Variants in TNKS observed in about 807,000 individuals in gnomAD.
TNKS encodes the protein tankyrase.
TNKS carries 72 observed loss-of-function variants against 135.8 expected under a neutral mutation model. The ratio of observed to expected loss-of-function variants is 0.53; its 90% CI spans 0.44 to 0.64. The LOEUF (loss-of-function observed/expected upper bound fraction) is 0.64. Among genes scored for constraint, TNKS ranks in the 30% least tolerant of loss-of-function variants. TNKS has a pLI of 0.00. For missense variants in TNKS, 1,769 were observed against 1,674.0 expected, an observed-to-expected ratio of 1.06 and a Z score of -0.99; for synonymous variants, 849 against 649.3, an observed-to-expected ratio of 1.31 and a Z score of -4.68.
intron 3 of TNKS, among the ~76,000 whole-genome samples, chr8:9,672,113 A>G (rs1164711804): frequency 6.6e-6 from 1 of 152,246 alleles, no homozygotes. Context: ...AGTGACCCAG[A>G]AGCACAAGAG....
chr8:9,644,847 C>T (rs1022562405), intron 3 of TNKS, among the ~76,000 whole-genome samples: 7 of 152,042 alleles, frequency 4.6e-5, no homozygotes, highest in Non-Finnish European at 7.4e-5. Context: ...TACAACCATT[C>T]TGTTTTTCAT....
chr8:9,579,009 A>G (rs1428138221), intron 1 of TNKS, among the ~76,000 whole-genome samples: 2 of 152,136 alleles, frequency 1.3e-5, no homozygotes, highest in Admixed American at 6.5e-5. Flanking sequence ...TGGACTTTGC[A>G]TAATGTTGTT....
chr8:9,575,997 G>A (rs1797930499), intron 1 of TNKS, among the ~76,000 whole-genome samples: 8 of 152,106 alleles, frequency 5.3e-5, no homozygotes, highest in Admixed American at 4.6e-4. Flanking sequence ...GGTGAGAGGA[G>A]AAAGGGCACT....
At chr8:9,656,457 AATG>A (rs1402008846) in intron 3 of TNKS, among the ~76,000 whole-genome samples, 3 of 152,178 alleles carry the variant, frequency 2.0e-5, no homozygotes, top group African/African-American at 4.8e-5. Flanking sequence ...CCGAAGTTGA[AATG>A]AGGGAAAAAA....
chr8:9,673,605 A>G (rs961449579), intron 3 of TNKS, among the ~76,000 whole-genome samples: 3 of 151,830 alleles, frequency 2.0e-5, no homozygotes, highest in Non-Finnish European at 4.4e-5. Context: ...CACCACGCCC[A>G]GCTAATTTTT....
At chr8:9,604,736 G>A (rs1018007905) in intron 2 of TNKS, among the ~76,000 whole-genome samples, 3 of 151,640 alleles carry the variant, frequency 2.0e-5, no homozygotes, top group African/African-American at 7.3e-5. Flanking sequence ...CATTAGCTCT[G>A]TAAATACATA....
intron 15 of TNKS, among the ~76,000 whole-genome samples, chr8:9,734,028 A>G (rs1805570684): frequency 6.6e-6 from 1 of 152,010 alleles, no homozygotes; most frequent in Admixed American, 6.6e-5. Flanking sequence ...TATTTATGAG[A>G]TTTTCTTTTG....
Position 9,559,266 on chromosome 8 carries a change from TTATCC to T in TNKS, c.673+2656_673+2660del, listed in dbSNP as rs1273368620. Among the ~76,000 whole-genome samples the T allele has an allele frequency of 7.2e-5, 11 of 152,298 alleles. No individual in the cohort carries two copies. The South Asian group carries it at 1.2e-3, about 17-fold the overall frequency. On this transcript the variant is annotated intron_variant, in intron 1 of 26. Coordinates refer to ENST00000310430, the MANE Select transcript of TNKS (RefSeq NM_003747.3). ...CTGTCCCAATATGTAATAGGAGCTC[TTATCC>T]TTGTTTTAGAGCAGTTAAGGAAGTC...
Position 9,764,720 on chromosome 8 carries a change from A to T in TNKS, c.3377A>T (p.Gln1126Leu). 6.3e-7 allele frequency: 1 copy of T among 1,595,426 alleles called. No homozygotes were observed. Among genetic ancestry groups the T allele is most frequent in the Non-Finnish European group, 8.5e-7 (1 of 1,174,064 alleles). The change falls in exon 23 of 27, where the codon CAA (glutamine) becomes CTA (leucine). Residue 1126 changes from glutamine (Q) to leucine (L), a missense_variant. Around this residue, in one of 5 missense-constraint regions of TNKS, gnomAD observed 722 missense variants for 688.9 expected, o/e 1.05. Transcript: ENST00000310430. ...KEYQSVEEEMQSTIREHRDGG... is the reference protein window; with the variant it reads ...KEYQSVEEEMLSTIREHRDGG... Reference sequence around the variant, plus strand: ...ATTAGTTATTTTGTTCTGTAGATGCAAAGTACTATTCGAGAACACAGAGAT... The same window carrying T: ...ATTAGTTATTTTGTTCTGTAGATGCTAAGTACTATTCGAGAACACAGAGAT...
At chr8:9,760,720 C>G (rs1413913450) in intron 20 of TNKS, among the ~76,000 whole-genome samples, 1 of 152,166 alleles carries the variant, frequency 6.6e-6, no homozygotes, top group Non-Finnish European at 1.5e-5. Flanking sequence ...GTCCCAGCTA[C>G]TTTAGTCCAT....
chr8:9,629,713 C>A (rs746580234), intron 3 of TNKS, among the ~76,000 whole-genome samples: 1 of 152,224 alleles, frequency 6.6e-6, no homozygotes. Context: ...GACGAAGTCT[C>A]GCTCTGTCGC....
intron 5 of TNKS, among the ~76,000 whole-genome samples, chr8:9,683,125 T>C (rs1461853120): frequency 6.6e-6 from 1 of 152,060 alleles, no homozygotes; most frequent in Non-Finnish European, 1.5e-5. Flanking sequence ...TTAGATATTA[T>C]TCTCATTTAC....
chr8:9,630,728 A>G (rs973938846), intron 3 of TNKS, among the ~76,000 whole-genome samples: 1 of 152,230 alleles, frequency 6.6e-6, no homozygotes, highest in Non-Finnish European at 1.5e-5. Context: ...TTGTTTGCAG[A>G]CTGCATTCAG....
intron 5 of TNKS, among the ~76,000 whole-genome samples, chr8:9,699,466 T>TC (rs796100862): frequency 7.9e-5 from 12 of 152,324 alleles, no homozygotes; most frequent in African/African-American, 2.9e-4. Flanking sequence ...TCCTTTTTTT[T>TC]CTCAATTTGT....
At chr8:9,776,184 G>A (rs1808218330) in intron 26 of TNKS, among the ~76,000 whole-genome samples, 1 of 152,096 alleles carries the variant, frequency 6.6e-6, no homozygotes, top group Admixed American at 6.5e-5. Flanking sequence ...TGGGTTATTG[G>A]TGACTCAGTA....
chr8:9,572,276 T>C (rs548223221), intron 1 of TNKS, among the ~76,000 whole-genome samples: 1 of 152,252 alleles, frequency 6.6e-6, no homozygotes, highest in Non-Finnish European at 1.5e-5. Flanking sequence ...TAGTTAAGGT[T>C]GACTTCAGTC....
intron 2 of TNKS, among the ~76,000 whole-genome samples, chr8:9,613,734 A>G (rs994708924): frequency 2.6e-5 from 4 of 152,248 alleles, no homozygotes; most frequent in South Asian, 2.1e-4. Context: ...AACTACAACT[A>G]AACTGTAATG....
In TNKS at chr8:9,704,669, C is replaced by G. The variant is rs928826803; in HGVS notation, c.1114C>G (p.Pro372Ala). Residue 372 changes from proline to alanine, a missense_variant, in exon 6 of 27, where the codon CCT becomes GCT. By Grantham distance (27) the Pro-to-Ala change is conservative. Around this residue, in one of 5 missense-constraint regions of TNKS, gnomAD observed 523 missense variants for 541.0 expected, o/e 0.97. Coordinates refer to ENST00000310430, the MANE Select transcript of TNKS (RefSeq NM_003747.3). ...CHASDGRKST[P>A]LHLAAGYNRV... ...GGATGTTTTTCTTTTCTAGTCGACT[C>G]CTTTACATCTAGCAGCGGGCTACAA... is the stretch of plus-strand genomic sequence containing the variant. The G allele has an allele frequency of 1.2e-6, 2 of 1,612,738 alleles. No individual in the cohort carries two copies. Among genetic ancestry groups the G allele is most frequent in the Non-Finnish European group, 1.7e-6 (2 of 1,179,032 alleles).
Position 9,782,176 on chromosome 8 carries a change from C to A in TNKS, c.*5440C>A, listed in dbSNP as rs763905272. ...TGAAATGGAAGTCCTTTTTCCCTCACCCTCCACTTCTTTCCAAAGGAGGGC... is the reference window on the plus strand; with the variant it reads ...TGAAATGGAAGTCCTTTTTCCCTCAACCTCCACTTCTTTCCAAAGGAGGGC... On this transcript the variant is annotated 3_prime_UTR_variant, in exon 27 of 27. Coordinates refer to ENST00000310430, the MANE Select transcript of TNKS (RefSeq NM_003747.3). 1 of 152,514 alleles carries A rather than the reference C, an allele frequency of 6.6e-6. No individual in the cohort carries two copies. Among genetic ancestry groups the A allele is most frequent in the Non-Finnish European group, 1.5e-5 (1 of 68,016 alleles). The allele number at this position is 152,514 out of a possible 1,614,324, so 9.4% of individuals were successfully genotyped here. A position where few individuals can be genotyped will look rare whatever the true frequency, so the allele number is the denominator to read the frequency against.
Sources: gnomAD v4.1 joint callset for allele counts (sites outside exome capture counted in the v4.1 genomes callset) on GRCh38, gnomAD v4.1.1 for gene constraint, gnomAD v4.1.1 regional missense constraint, MANE v1.5 for transcripts, NCBI Gene and HGNC (gene_info 2026-07-23, HGNC 2026-07-21) for gene names.